TMEM64: variants seen among roughly 807,000 people sequenced by gnomAD.
TMEM64 encodes the protein transmembrane protein 64.
TMEM64 carries 19 observed loss-of-function variants against 24.5 expected under a neutral mutation model. The ratio of observed to expected loss-of-function variants is 0.78; its 90% CI spans 0.54 to 1.14. The LOEUF (loss-of-function observed/expected upper bound fraction) is 1.14, where lower values mean the gene tolerates loss of function less well. Ranked by LOEUF, TMEM64 falls within the 50% of genes most tolerant of loss-of-function variation. TMEM64 has a pLI of 0.00. For missense variants in TMEM64, 487 were observed against 493.0 expected, an observed-to-expected ratio of 0.99 and a Z score of 0.12; for synonymous variants, 262 against 224.7, an observed-to-expected ratio of 1.17 and a Z score of -1.49.
Position 90,645,760 on chromosome 8 carries a change from C to G in TMEM64, c.146G>C (p.Gly49Ala). 9.4e-7 allele frequency: 1 copy of G among 1,060,518 alleles called. No homozygotes were observed. Among genetic ancestry groups the G allele is most frequent in the Non-Finnish European group, 1.1e-6 (1 of 881,052 alleles). The allele number at this position is 1,060,518 out of a possible 1,614,324, so 65.7% of individuals were successfully genotyped here. The change falls in exon 1 of 3, where the codon GGG becomes GCG. Residue 49 changes from glycine (G) to alanine (A), a missense_variant. This residue lies in a region of TMEM64 where 419 missense variants were observed against 407.5 expected (regional missense o/e 1.03). Coordinates refer to ENST00000458549, the MANE Select transcript of TMEM64 (RefSeq NM_001008495.4). The surrounding 1 kb of genome is among the most constrained non-coding windows in gnomAD (Gnocchi z 4.2). ...GDGPADRLPR[G>A]GGASAAAAAA... is the part of the protein sequence containing the mutation. ...TGCCGCCGCCGCGCTCGCCCCGCCCCCGCGGGGAAGGCGGTCCGCCGGGCC... is the reference window on the plus strand; with the variant it reads ...TGCCGCCGCCGCGCTCGCCCCGCCCGCGCGGGGAAGGCGGTCCGCCGGGCC...
Position 90,645,335 on chromosome 8 carries a change from A to T in TMEM64, c.571T>A (p.Phe191Ile). 6.4e-7 allele frequency: 1 copy of T among 1,559,210 alleles called. No homozygotes were observed. Reference sequence around the variant, plus strand: ...ATCATCAGACCCATGCCCAGCACGAAGCCGTACAGGTAGCCAGCGGCCACG... The same window carrying T: ...ATCATCAGACCCATGCCCAGCACGATGCCGTACAGGTAGCCAGCGGCCACG... ...LNVAAGYLYG[F>I]VLGMGLMMVG... Residue 191 changes from phenylalanine (F) to isoleucine (I), a missense_variant, in exon 1 of 3, where the codon TTC (phenylalanine) becomes ATC (isoleucine). Phe to Ile is a conservative substitution (Grantham distance 21). Coordinates refer to ENST00000458549, the MANE Select transcript of TMEM64 (RefSeq NM_001008495.4). The surrounding 1 kb of genome is among the most constrained non-coding windows in gnomAD (Gnocchi z 4.2).
At chr8:90,631,736 C>T (rs1809443231) in intron 1 of TMEM64, 29 bp from the exon 2 acceptor site, 1 of 1,567,984 alleles carries the variant, frequency 6.4e-7, no homozygotes, top group African/African-American at 1.4e-5. Context: ...GGGAATGATT[C>T]ATTACCAAGT....
chr8:90,631,770 A>C, intron 1 of TMEM64, 63 bp from the exon 2 acceptor site: 1 of 1,451,770 alleles, frequency 6.9e-7, no homozygotes, highest in East Asian at 2.3e-5. Flanking sequence ...AACATAAAAA[A>C]ATGTGTGTAT....
At chr8:90,639,333 T>C (rs759114026) in intron 1 of TMEM64, among the ~76,000 whole-genome samples, 3 of 152,090 alleles carry the variant, frequency 2.0e-5, no homozygotes, top group East Asian at 3.8e-4. Context: ...TAGGGAGAGG[T>C]CACCAATTTA....
rs1393507887 is a variant in TMEM64 at position 90,645,876 on chromosome 8, C to T, written c.30G>A (p.Gln10=). 3.5e-6 allele frequency: 4 copies of T among 1,138,268 alleles called. No individual in the cohort carries two copies. The African/African-American group carries it at 6.6e-5, about 19-fold the overall frequency. 70.5% of individuals were successfully genotyped at this position (1,138,268 alleles called of 1,614,324 possible). The change falls in exon 1 of 3, where the codon CAG becomes CAA. Residue 10 remains glutamine, a synonymous_variant. Coordinates refer to ENST00000458549, the MANE Select transcript of TMEM64 (RefSeq NM_001008495.4). This position sits in a 1 kb window ranked among gnomAD's most constrained non-coding sequence, Gnocchi z 4.2. ...CGTGCTGCAGCAGCCGGGGCAGCGC[C>T]TGGAGCAGGATCCCGCCCGGGCTCC... MRSPGGILL[Q]ALPRLLQHAA...
At chr8:90,635,215 A>G (rs1809498258) in intron 1 of TMEM64, among the ~76,000 whole-genome samples, 1 of 152,134 alleles carries the variant, frequency 6.6e-6, no homozygotes. Flanking sequence ...AATTAGTTGT[A>G]GAAGTGGAAA....
At position 90,625,396 on chromosome 8, in the gene TMEM64, A is replaced by C. The variant is rs1809341300; in HGVS notation, c.*275T>G. The C allele has an allele frequency of 7.1e-6, 2 of 281,098 alleles. No homozygotes were observed. Among genetic ancestry groups the C allele is most frequent in the Admixed American group, 9.5e-5 (2 of 21,030 alleles). The allele number at this position is 281,098 out of a possible 1,614,324, so 17.4% of individuals were successfully genotyped here. On this transcript the variant is annotated 3_prime_UTR_variant, in exon 3 of 3. Transcript: ENST00000458549. ...ATTTGGGTTATTTCTCTGTTCGTAA[A>C]TACACAGAAATAAAACAATTAAAAA...
chr8:90,645,294 G>A lies in TMEM64; in HGVS notation c.612C>T (p.Ile204=), dbSNP rs1269682263. ...GMGLMMVGVL[I]GTFIAHVVCK... ...AGACCACATGGGCGATGAAGGTGCC[G>A]ATGAGGACGCCCACCATCATCAGAC... The change falls in exon 1 of 3, where the codon ATC becomes ATT. Residue 204 remains isoleucine (I), a synonymous_variant. Transcript: ENST00000458549. The surrounding 1 kb of genome is among the most constrained non-coding windows in gnomAD (Gnocchi z 4.2). The A allele has an allele frequency of 6.3e-7, 1 of 1,592,126 alleles. No homozygotes were observed. Among genetic ancestry groups the A allele is most frequent in the Admixed American group, 1.8e-5 (1 of 55,988 alleles).
chr8:90,631,714 G>C lies in TMEM64; in HGVS notation c.796-7C>G, dbSNP rs73301567. 2 of 1,606,630 alleles carry C rather than the reference G, an allele frequency of 1.2e-6. No individual in the cohort carries two copies. Among genetic ancestry groups the C allele is most frequent in the East Asian group, 2.2e-5 (1 of 44,684 alleles). ...GTAATGAGAGATCAGTAATCTAGAAGAGTAGATTAAAGGGAATGATTCATT... is the reference window on the plus strand; with the variant it reads ...GTAATGAGAGATCAGTAATCTAGAACAGTAGATTAAAGGGAATGATTCATT... On this transcript the variant is annotated splice_polypyrimidine_tract_variant and splice_region_variant and intron_variant, in intron 1 of 2. Transcript: ENST00000458549.
chr8:90,627,335 G>C (rs1431558655), intron 2 of TMEM64, among the ~76,000 whole-genome samples: 1 of 152,050 alleles, frequency 6.6e-6, no homozygotes, highest in Non-Finnish European at 1.5e-5. Context: ...GCATCTTAAA[G>C]CTGGGTCTTT....
chr8:90,640,086 ACT>A (rs1312240492), intron 1 of TMEM64, among the ~76,000 whole-genome samples: 4 of 152,210 alleles, frequency 2.6e-5, no homozygotes, highest in Non-Finnish European at 5.9e-5. Context: ...CAGGATGTGC[ACT>A]GAGATGACAT....
intron 1 of TMEM64, among the ~76,000 whole-genome samples, chr8:90,644,492 T>C (rs1231692559): frequency 6.6e-6 from 1 of 152,226 alleles, no homozygotes; most frequent in Non-Finnish European, 1.5e-5. Context: ...CAAAAGATTA[T>C]CTGTTCTGTT....
rs1405816329 is a variant in TMEM64, at chr8:90,624,054, A to C, written c.*1617T>G. Reference sequence around the variant, plus strand: ...GATTTAGATGCCAATTATGTCCTGTAGACCCAGGTGCTCTCAAAGTATTTG... The same window carrying C: ...GATTTAGATGCCAATTATGTCCTGTCGACCCAGGTGCTCTCAAAGTATTTG... On this transcript the variant is annotated 3_prime_UTR_variant, in exon 3 of 3. Coordinates refer to ENST00000458549, the MANE Select transcript of TMEM64 (RefSeq NM_001008495.4). The C allele has an allele frequency of 6.6e-6, 1 of 152,026 alleles. No homozygotes were observed. Among genetic ancestry groups the C allele is most frequent in the African/African-American group, 2.4e-5 (1 of 41,444 alleles). 9.4% of individuals were successfully genotyped at this position (152,026 alleles called of 1,614,324 possible). A position where few individuals can be genotyped will look rare whatever the true frequency, so the allele number is the denominator to read the frequency against.
intron 1 of TMEM64, among the ~76,000 whole-genome samples, chr8:90,632,416 C>T (rs919743861): frequency 5.3e-5 from 8 of 152,074 alleles, no homozygotes; most frequent in Non-Finnish European, 8.8e-5. Context: ...TCCGCCTCCC[C>T]GGTTCATGCC....
chr8:90,642,269 G>A (rs1365519097), intron 1 of TMEM64, among the ~76,000 whole-genome samples: 2 of 152,126 alleles, frequency 1.3e-5, no homozygotes, highest in South Asian at 2.1e-4. Context: ...AGGAAATGGA[G>A]AAGGCCAGAT....
At chr8:90,641,489 A>G (rs1183511964) in intron 1 of TMEM64, among the ~76,000 whole-genome samples, 3 of 152,186 alleles carry the variant, frequency 2.0e-5, no homozygotes, top group Non-Finnish European at 4.4e-5. Flanking sequence ...AACTGTATAG[A>G]ACCTTACCCA....
At position 90,623,524 on chromosome 8, in the gene TMEM64, AAC is replaced by A. The variant is rs1163297603; in HGVS notation, c.*2145_*2146del. 3.3e-5 allele frequency: 5 copies of A among 152,564 alleles called. No individual in the cohort carries two copies. The highest frequency in any genetic ancestry group is 7.4e-5 in the Non-Finnish European group (5 of 67,980). The allele number at this position is 152,564 out of a possible 1,614,324, so 9.5% of individuals were successfully genotyped here. A position where few individuals can be genotyped will look rare whatever the true frequency, so the allele number is the denominator to read the frequency against. On this transcript the variant is annotated 3_prime_UTR_variant, in exon 3 of 3. Transcript: ENST00000458549. The stretch of plus-strand genomic sequence containing the variant: ...CACAGCCACAGATTGGTATTTTAGA[AAC>A]AGTCAATCCATACTATTTTAAGAAA...
At chr8:90,630,825 T>C (rs563980330) in intron 2 of TMEM64, among the ~76,000 whole-genome samples, 2 of 152,358 alleles carry the variant, frequency 1.3e-5, no homozygotes, top group African/African-American at 2.4e-5. Context: ...AAATTATGAT[T>C]TTCTATTTTG....
In TMEM64 at chr8:90,645,477, G is replaced by C; in HGVS notation, c.429C>G (p.Tyr143Ter). The change falls in exon 1 of 3, where the codon TAC (tyrosine) becomes TAG (stop). Residue 143 changes from tyrosine to a stop codon, truncating the protein, a stop_gained. Coordinates refer to ENST00000458549, the MANE Select transcript of TMEM64 (RefSeq NM_001008495.4). LOFTEE classifies it high-confidence loss of function. The surrounding 1 kb of genome is among the most constrained non-coding windows in gnomAD (Gnocchi z 4.2). ...CFASLALVRR[Y>*]LHHLLLWVES... ...CCACCCACAGCAGGAGGTGGTGAAG[G>C]TAGCGGCGGACCAGGGCCAGGGAAG... 6.4e-7 allele frequency: 1 copy of C among 1,551,382 alleles called. No homozygotes were observed. The highest frequency in any genetic ancestry group is 8.7e-7 in the Non-Finnish European group (1 of 1,147,024).
Sources: allele counts gnomAD v4.1 joint callset (sites outside exome capture counted in the v4.1 genomes callset), GRCh38; gene constraint gnomAD v4.1.1; regional missense constraint gnomAD v4.1.1; non-coding constraint Gnocchi (gnomAD v3.1); transcripts MANE v1.5; gene names NCBI Gene and HGNC (gene_info 2026-07-23, HGNC 2026-07-21).